SLC6A3: variants seen among roughly 807,000 people sequenced by gnomAD.
SLC6A3 encodes the protein sodium-dependent dopamine transporter.
Under a neutral mutation model 70.4 loss-of-function variants are expected in SLC6A3, and 19 were observed. The observed-to-expected ratio is 0.27, with a 90% CI of 0.19 to 0.40. SLC6A3 has a LOEUF of 0.40. SLC6A3 is among the 10% of genes least tolerant of loss of function. The pLI, the probability that SLC6A3 is intolerant of heterozygous loss-of-function variation, is 1.00. For synonymous variants in SLC6A3, 368 were observed against 356.6 expected, an observed-to-expected ratio of 1.03 and a Z score of -0.36; for missense variants, 613 against 838.5, an observed-to-expected ratio of 0.73 and a Z score of 3.32.
chr5:1,410,009 G>A (rs1296987320), intron 9 of SLC6A3, among the ~76,000 whole-genome samples, 160 bp from the exon 10 acceptor site: 1 of 152,252 alleles, frequency 6.6e-6, no homozygotes, highest in African/African-American at 2.4e-5. Flanking sequence ...AGTGAGGACA[G>A]CTGTTGGCGA....
intron 3 of SLC6A3, among the ~76,000 whole-genome samples, chr5:1,439,643 C>T (rs997536267): frequency 2.0e-5 from 3 of 152,330 alleles, no homozygotes; most frequent in Admixed American, 6.5e-5. Flanking sequence ...GTCCTGGGGC[C>T]GTGCTGGGCT....
intron 9 of SLC6A3, among the ~76,000 whole-genome samples, chr5:1,410,354 C>A (rs1229157322): frequency 6.6e-6 from 1 of 152,170 alleles, no homozygotes; most frequent in Non-Finnish European, 1.5e-5. Flanking sequence ...CGGTCCAGAC[C>A]CCTCTTCATG....
Position 1,438,246 on chromosome 5 carries a change from C to T in SLC6A3, c.418+3113G>A, listed in dbSNP as rs908307445. On this transcript the variant is annotated intron_variant, in intron 3 of 14. Transcript: ENST00000270349. The surrounding 1 kb of genome is among the most constrained non-coding windows in gnomAD (Gnocchi z 6.5). ...GTGTGAACAAGCTCTTCCAAAGATCCGCCCGCAGGGCCACGAGCCTTCCTT... is the reference window on the plus strand; with the variant it reads ...GTGTGAACAAGCTCTTCCAAAGATCTGCCCGCAGGGCCACGAGCCTTCCTT... 5.3e-5 allele frequency among the ~76,000 whole-genome samples: 8 copies of T among 152,218 alleles called. No homozygotes were observed. Among genetic ancestry groups the T allele is most frequent in the South Asian group, 2.1e-4 (1 of 4,828 alleles).
intron 14 of SLC6A3, among the ~76,000 whole-genome samples, chr5:1,395,373 C>T (rs926577132): frequency 3.9e-5 from 6 of 152,256 alleles, no homozygotes; most frequent in Admixed American, 2.6e-4. Flanking sequence ...AGCGTCAAAG[C>T]CCCTCGATAG....
At chr5:1,409,413 C>T (rs28363108) in intron 10 of SLC6A3, among the ~76,000 whole-genome samples, 218 of 152,326 alleles carry the variant, frequency 1.4e-3, no homozygotes, top group African/African-American at 4.6e-3. Flanking sequence ...CCTGGGCTCC[C>T]CCTCCCACAT....
At chr5:1,416,629 C>A in intron 6 of SLC6A3, 1 of 326,602 alleles carries the variant, frequency 3.1e-6, no homozygotes, top group Non-Finnish European at 6.0e-6. Context: ...AGCACGGACT[C>A]ACCCACACAC....
chr5:1,401,101 C>T lies in SLC6A3; in HGVS notation c.1768-115G>A, dbSNP rs867961261. The T allele has an allele frequency of 2.5e-6, 2 of 796,694 alleles. No homozygotes were observed. The highest frequency in any genetic ancestry group is 4.3e-6 in the Non-Finnish European group (2 of 463,776). The allele number at this position is 796,694 out of a possible 1,614,324, so 49.4% of individuals were successfully genotyped here. On this transcript the variant is annotated intron_variant, in intron 13 of 14. Coordinates refer to ENST00000270349, the MANE Select transcript of SLC6A3 (RefSeq NM_001044.5). The surrounding 1 kb of genome is among the most constrained non-coding windows in gnomAD (Gnocchi z 6.1). ...ACCAGCACCCTCACCACCAGCCCTC[C>T]TCACCTGCCAATGCCCACCCGCTGG...
intron 14 of SLC6A3, among the ~76,000 whole-genome samples, chr5:1,399,322 A>G (rs1401922537): frequency 1.3e-5 from 2 of 152,244 alleles, no homozygotes; most frequent in Non-Finnish European, 1.5e-5. Flanking sequence ...AATGTAGCAC[A>G]TGGAGTATTT....
chr5:1,400,059 G>A (rs539860294), intron 14 of SLC6A3, among the ~76,000 whole-genome samples: 148 of 152,338 alleles, frequency 9.7e-4, no homozygotes, highest in African/African-American at 3.3e-3. Context: ...AGGTGGGGCC[G>A]CGGTGCCCTC....
rs1483402991 is a variant in SLC6A3, at chr5:1,441,341, G to A, written c.418+18C>T. The A allele has an allele frequency of 1.9e-6, 3 of 1,614,166 alleles. No homozygotes were observed. Among genetic ancestry groups the A allele is most frequent in the Non-Finnish European group, 1.7e-6 (2 of 1,180,006 alleles). Reference sequence around the variant, plus strand: ...GATCCGCGCTGCGCCAGGGTGAAGGGAGGCACCCGCATATTACCTTTCAGT... The same window carrying A: ...GATCCGCGCTGCGCCAGGGTGAAGGAAGGCACCCGCATATTACCTTTCAGT... On this transcript the variant is annotated intron_variant, in intron 3 of 14. Coordinates refer to ENST00000270349, the MANE Select transcript of SLC6A3 (RefSeq NM_001044.5).
intron 8 of SLC6A3, 48 bp downstream of exon 8, chr5:1,414,643 G>A (rs963263417): frequency 6.2e-7 from 1 of 1,605,772 alleles, no homozygotes; most frequent in African/African-American, 1.3e-5. Context: ...TGAGAGCTCG[G>A]CGCTGGTGCT....
intron 4 of SLC6A3, among the ~76,000 whole-genome samples, chr5:1,427,841 T>C (rs546875843): frequency 1.8e-4 from 28 of 152,306 alleles, no homozygotes; most frequent in Middle Eastern, 3.4e-3. Flanking sequence ...TTTCAAAATA[T>C]GTGAATGAAG....
At chr5:1,431,389 G>A (rs971759735) in intron 4 of SLC6A3, among the ~76,000 whole-genome samples, 1 of 152,202 alleles carries the variant, frequency 6.6e-6, no homozygotes, top group Non-Finnish European at 1.5e-5. Context: ...GGCCTGGGTG[G>A]ACAGTGAGGG....
chr5:1,432,746 G>A (rs1021221688), intron 3 of SLC6A3, 48 bp from the exon 4 acceptor site: 1 of 1,334,062 alleles, frequency 7.5e-7, no homozygotes, highest in Non-Finnish European at 1.1e-6. Flanking sequence ...GGAGCACAGA[G>A]CCACCATCAG....
Position 1,400,962 on chromosome 5 carries a change from C to G in SLC6A3, c.1792G>C (p.Glu598Gln). 1.3e-6 allele frequency: 2 copies of G among 1,597,372 alleles called. No individual in the cohort carries two copies. The highest frequency in any genetic ancestry group is 1.1e-5 in the South Asian group (1 of 88,680). Reference sequence around the variant, plus strand: ...CTGTCCACCAGCTCACGGTCCTTCTCGGGTGCAATGGCGTAGGCCAGTTTC... The same window carrying G: ...CTGTCCACCAGCTCACGGTCCTTCTGGGGTGCAATGGCGTAGGCCAGTTTC... Reference protein sequence around the residue: ...REKLAYAIAPEKDRELVDRGE... With the variant: ...REKLAYAIAPQKDRELVDRGE... The change falls in exon 14 of 15, where the codon GAG becomes CAG. Residue 598 changes from glutamate to glutamine, a missense_variant. Physicochemically the swap from Glu to Gln is conservative, Grantham distance 29. Around this residue, in one of 4 missense-constraint regions of SLC6A3, gnomAD observed 348 missense variants for 481.2 expected, o/e 0.72. Coordinates refer to ENST00000270349, the MANE Select transcript of SLC6A3 (RefSeq NM_001044.5).
intron 14 of SLC6A3, among the ~76,000 whole-genome samples, chr5:1,399,089 C>T (rs1755787023): frequency 6.6e-6 from 1 of 151,838 alleles, no homozygotes; most frequent in South Asian, 2.1e-4. Flanking sequence ...GGTATAAGGC[C>T]CTAAAGAAGT....
intron 6 of SLC6A3, among the ~76,000 whole-genome samples, chr5:1,417,843 TGGGGAGGCCAGGTGGGTCTCA>T (rs1433346506): frequency 6.6e-6 from 1 of 152,220 alleles, no homozygotes; most frequent in Non-Finnish European, 1.5e-5. Context: ...ATGCTCCTGC[TGGGGAGGCCAGGTGGGTCTCA>T]GGGCATCCCA....
intron 12 of SLC6A3, 27 bp from the exon 13 acceptor site, chr5:1,403,116 G>A: frequency 6.2e-7 from 1 of 1,610,918 alleles, no homozygotes; most frequent in Non-Finnish European, 8.5e-7. Context: ...CGGAGGTCAG[G>A]CAGCTCTCAG....
chr5:1,420,822 C>T (rs1756418526), intron 5 of SLC6A3, 119 bp from the exon 6 acceptor site: 2 of 1,051,288 alleles, frequency 1.9e-6, no homozygotes, highest in Non-Finnish European at 1.4e-6. Context: ...GGCCCAATTC[C>T]CAAACATTTC....
Sources: gnomAD v4.1 joint callset for allele counts (sites outside exome capture counted in the v4.1 genomes callset) on GRCh38, gnomAD v4.1.1 for gene constraint, gnomAD v4.1.1 regional missense constraint, Gnocchi (gnomAD v3.1) non-coding constraint, MANE v1.5 for transcripts, NCBI Gene and HGNC (gene_info 2026-07-23, HGNC 2026-07-21) for gene names.